The following IGF2BP2 variants were observed in gnomAD, a reference collection of about 807,000 sequenced individuals.
The protein encoded by IGF2BP2 is insulin-like growth factor 2 mRNA-binding protein 2.
In IGF2BP2, 17 loss-of-function variants were observed where a neutral mutation model predicts 75.8. The ratio of observed to expected loss-of-function variants is 0.22; its 90% CI spans 0.15 to 0.34. The LOEUF is 0.34. Among genes scored for constraint, IGF2BP2 ranks in the 10% least tolerant of loss-of-function variants. The probability of loss-of-function intolerance (pLI) is 1.00; values close to 1 mark genes in which losing one functional copy is unlikely to be tolerated. For missense variants in IGF2BP2, 516 were observed against 772.4 expected, an observed-to-expected ratio of 0.67 and a Z score of 3.93; for synonymous variants, 288 against 295.6, an observed-to-expected ratio of 0.97 and a Z score of 0.26.
intron 15 of IGF2BP2, among the ~76,000 whole-genome samples, chr3:185,646,727 G>A (rs1195393491): frequency 1.3e-5 from 2 of 152,184 alleles, no homozygotes; most frequent in African/African-American, 4.8e-5. Context: ...GGAAGCTGAG[G>A]CCATGCCCTT....
At chr3:185,801,512 T>C (rs1183075968) in intron 2 of IGF2BP2, among the ~76,000 whole-genome samples, 1 of 127,356 alleles carries the variant, frequency 7.9e-6, no homozygotes, top group Non-Finnish European at 1.7e-5. Flanking sequence ...AAAAAAAAAG[T>C]CAGGAAACAA....
intron 10 of IGF2BP2, among the ~76,000 whole-genome samples, chr3:185,671,017 G>C (rs999955530): frequency 1.3e-5 from 2 of 152,168 alleles, no homozygotes; most frequent in African/African-American, 4.8e-5. Flanking sequence ...ATGATGATGT[G>C]CCTCAATGCC....
At chr3:185,730,274 G>T (rs556986842) in intron 2 of IGF2BP2, among the ~76,000 whole-genome samples, 1 of 152,064 alleles carries the variant, frequency 6.6e-6, no homozygotes, top group Non-Finnish European at 1.5e-5. Context: ...TGCTGCAAGA[G>T]AAATAATTTC....
intron 2 of IGF2BP2, among the ~76,000 whole-genome samples, chr3:185,715,219 T>G (rs543272362): frequency 6.6e-6 from 1 of 152,302 alleles, no homozygotes; most frequent in Admixed American, 6.5e-5. Flanking sequence ...CACAAAGGCA[T>G]GGCAGCCAGA....
intron 7 of IGF2BP2, among the ~76,000 whole-genome samples, chr3:185,680,866 A>G (rs985649772): frequency 1.3e-5 from 2 of 152,252 alleles, no homozygotes; most frequent in South Asian, 4.1e-4. Context: ...TCATTAGAAA[A>G]AGCATTTGAC....
chr3:185,761,158 T>C (rs1229310923), intron 2 of IGF2BP2, among the ~76,000 whole-genome samples: 1 of 152,044 alleles, frequency 6.6e-6, no homozygotes, highest in East Asian at 1.9e-4. Context: ...CCCAAAAACA[T>C]GGTGTTAGGC....
At chr3:185,665,560 AAGG>A (rs1233486166) in intron 10 of IGF2BP2, among the ~76,000 whole-genome samples, 57 of 134,964 alleles carry the variant, frequency 4.2e-4, no homozygotes, top group African/African-American at 1.5e-3. Flanking sequence ...GGAGGAGGAG[AAGG>A]AGAAGGAGAA....
At chr3:185,646,203 CAG>C (rs1397576943) in intron 15 of IGF2BP2, among the ~76,000 whole-genome samples, 1 of 152,138 alleles carries the variant, frequency 6.6e-6, no homozygotes, top group Non-Finnish European at 1.5e-5. Flanking sequence ...AGACAGCAGA[CAG>C]GGGCGTGGCC....
intron 2 of IGF2BP2, among the ~76,000 whole-genome samples, chr3:185,739,917 A>AC (rs2149559790): frequency 8.3e-6 from 1 of 120,756 alleles, no homozygotes; most frequent in East Asian, 2.9e-4. Flanking sequence ...GTGCAGTGGC[A>AC]CAAATGCAGG....
intron 2 of IGF2BP2, among the ~76,000 whole-genome samples, chr3:185,701,828 C>T (rs576495257): frequency 1.3e-5 from 2 of 152,080 alleles, no homozygotes; most frequent in Non-Finnish European, 2.9e-5. Flanking sequence ...GGAGTTCAGC[C>T]GGTCATTTGG....
intron 15 of IGF2BP2, among the ~76,000 whole-genome samples, chr3:185,646,338 G>A (rs1713545491): frequency 6.6e-6 from 1 of 152,342 alleles, no homozygotes; most frequent in East Asian, 1.9e-4. Context: ...TCAGGTCTCA[G>A]CACAGGCACA....
chr3:185,791,765 A>AT (rs1736672577), intron 2 of IGF2BP2, among the ~76,000 whole-genome samples: 1 of 152,266 alleles, frequency 6.6e-6, no homozygotes, highest in Non-Finnish European at 1.5e-5. Flanking sequence ...TGCTTATAGC[A>AT]TCATGTAACC....
intron 2 of IGF2BP2, chr3:185,728,937 T>C (rs1376452559): frequency 1.3e-5 from 2 of 152,344 alleles, no homozygotes; most frequent in Admixed American, 1.3e-4. Flanking sequence ...GTATTTTCAC[T>C]CATGGTGCAA....
At chr3:185,657,128 A>C (rs955971593) in intron 12 of IGF2BP2, among the ~76,000 whole-genome samples, 158 bp downstream of exon 12, 32 of 152,174 alleles carry the variant, frequency 2.1e-4, no homozygotes, top group African/African-American at 7.5e-4. Context: ...AAAAGGAAAG[A>C]TGAGAGCGGA....
intron 2 of IGF2BP2, among the ~76,000 whole-genome samples, chr3:185,780,084 T>C (rs1166454289): frequency 3.9e-5 from 6 of 152,114 alleles, no homozygotes; most frequent in Non-Finnish European, 8.8e-5. Flanking sequence ...ACATGTTGCG[T>C]GAAAAAAGCC....
intron 4 of IGF2BP2, among the ~76,000 whole-genome samples, chr3:185,695,791 T>C (rs1380596231): frequency 6.6e-6 from 1 of 151,870 alleles, no homozygotes; most frequent in Non-Finnish European, 1.5e-5. Flanking sequence ...CACTTCAGGG[T>C]TTTTGTTTGT....
chr3:185,721,430 G>A (rs978699363), intron 2 of IGF2BP2, among the ~76,000 whole-genome samples: 2 of 152,042 alleles, frequency 1.3e-5, no homozygotes, highest in African/African-American at 4.8e-5. Context: ...TCGAACTCCT[G>A]ACCTCAAGTG....
intron 2 of IGF2BP2, among the ~76,000 whole-genome samples, chr3:185,800,124 G>A (rs1738006004): frequency 6.6e-6 from 1 of 152,154 alleles, no homozygotes; most frequent in Non-Finnish European, 1.5e-5. Flanking sequence ...CATGTCCTTT[G>A]CAGGGACATG....
At chr3:185,719,334 A>G (rs1726149695) in intron 2 of IGF2BP2, among the ~76,000 whole-genome samples, 1 of 152,210 alleles carries the variant, frequency 6.6e-6, no homozygotes, top group South Asian at 2.1e-4. Context: ...AGTATGAAAG[A>G]CAAAACAGAT....
Sources: allele counts gnomAD v4.1 joint callset (sites outside exome capture counted in the v4.1 genomes callset), GRCh38; gene constraint gnomAD v4.1.1; transcripts MANE v1.5; gene names NCBI Gene and HGNC (gene_info 2026-07-23, HGNC 2026-07-21).